Variants in ERC1 observed in about 807,000 individuals in gnomAD.
ERC1 encodes the protein RAB6 interacting protein 2.
ERC1 carries 56 observed loss-of-function variants against 132.0 expected under a neutral mutation model. The ratio of observed to expected loss-of-function variants is 0.42; its 90% CI spans 0.34 to 0.53. The LOEUF (loss-of-function observed/expected upper bound fraction) is 0.53, where lower values mean the gene tolerates loss of function less well. Ranked by LOEUF, ERC1 falls within the 20% of genes least tolerant of loss-of-function variation. The pLI, the probability that ERC1 is intolerant of heterozygous loss-of-function variation, is 0.03. For synonymous variants in ERC1, 478 were observed against 476.1 expected (o/e 1.00, Z -0.05); for missense variants, 1,202 against 1,349.9 (o/e 0.89, Z 1.72).
chr12:1,010,690 A>G (rs1199983045), intron 1 of ERC1, among the ~76,000 whole-genome samples: 1 of 150,742 alleles, frequency 6.6e-6, no homozygotes, highest in East Asian at 2.0e-4. Context: ...TTTTTTTATT[A>G]TTATTAGAAA....
At chr12:1,183,996 C>T (rs990389524) in intron 11 of ERC1, among the ~76,000 whole-genome samples, 1 of 152,026 alleles carries the variant, frequency 6.6e-6, no homozygotes, top group Non-Finnish European at 1.5e-5. Flanking sequence ...ATTAGCCAGG[C>T]TTGGTGGCGC....
At chr12:1,477,518 A>G (rs1018922629) in intron 18 of ERC1, among the ~76,000 whole-genome samples, 1 of 152,156 alleles carries the variant, frequency 6.6e-6, no homozygotes, top group Non-Finnish European at 1.5e-5. Context: ...AGCCAGAAAC[A>G]TGTGGGTGTT....
chr12:1,252,162 G>A (rs980130739), intron 13 of ERC1, among the ~76,000 whole-genome samples: 4 of 151,946 alleles, frequency 2.6e-5, no homozygotes, highest in African/African-American at 9.7e-5. Context: ...ATTCTTTTAG[G>A]TATTTTAACA....
intron 15 of ERC1, among the ~76,000 whole-genome samples, chr12:1,343,425 A>G (rs2084111836): frequency 6.6e-6 from 1 of 152,188 alleles, no homozygotes; most frequent in Non-Finnish European, 1.5e-5. Context: ...TATCCCATAC[A>G]GTCATCATGC....
At chr12:1,365,363 A>G (rs2086562619) in intron 15 of ERC1, among the ~76,000 whole-genome samples, 1 of 152,150 alleles carries the variant, frequency 6.6e-6, no homozygotes, top group African/African-American at 2.4e-5. Context: ...AGTGAAATAC[A>G]GCTTCAGGAT....
chr12:1,028,150 G>A lies in ERC1; in HGVS notation c.247G>A (p.Glu83Lys). 1.2e-6 allele frequency: 2 copies of A among 1,614,196 alleles called. No individual in the cohort carries two copies. ...AAGTGACCATGAAAATGTGGGTTCA[G>A]AAACACCTAAAAGCACCATGACACT... ...YLSDHENVGSETPKSTMTLGR... is the reference protein window; with the variant it reads ...YLSDHENVGSKTPKSTMTLGR... The change falls in exon 2 of 19, where the codon GAA becomes AAA. Residue 83 changes from glutamate to lysine, a missense_variant. Transcript: ENST00000360905.
intron 14 of ERC1, among the ~76,000 whole-genome samples, chr12:1,277,517 T>G (rs2078356436): frequency 6.6e-6 from 1 of 152,238 alleles, no homozygotes. Flanking sequence ...CAGAAATCTC[T>G]TCTTAACATA....
intron 15 of ERC1, among the ~76,000 whole-genome samples, chr12:1,295,600 A>G (rs879798700): frequency 6.6e-6 from 1 of 152,160 alleles, no homozygotes; most frequent in Non-Finnish European, 1.5e-5. Context: ...ATAACACAAA[A>G]GATAGGTTTG....
At chr12:1,068,484 T>TA (rs34202335) in intron 2 of ERC1, among the ~76,000 whole-genome samples, 30,252 of 148,488 alleles carry the variant, frequency 0.2, 966 homozygotes, top group Middle Eastern at 0.26. Flanking sequence ...CTTTAGGAAT[T>TA]AAAAAAAAAA....
chr12:1,072,100 C>CA (rs11438076), intron 2 of ERC1, among the ~76,000 whole-genome samples: 40,998 of 134,950 alleles, frequency 0.3, 6,048 homozygotes, highest in African/African-American at 0.32. Context: ...GACTCTGTCT[C>CA]AAAAAAAAAA....
At chr12:1,070,858 C>T (rs917195033) in intron 2 of ERC1, among the ~76,000 whole-genome samples, 2 of 152,172 alleles carry the variant, frequency 1.3e-5, no homozygotes, top group East Asian at 3.9e-4. Flanking sequence ...CTCCCCAGTT[C>T]GCATCATCCC....
intron 8 of ERC1, among the ~76,000 whole-genome samples, chr12:1,179,523 T>TTTG (rs1954139076): frequency 9.1e-6 from 1 of 110,068 alleles, no homozygotes; most frequent in African/African-American, 4.1e-5. Context: ...TTTTTTTTTT[T>TTTG]TTGAGACGGA....
At position 1,349,680 on chromosome 12, in the gene ERC1, AG is replaced by A. The variant is rs1210810902; in HGVS notation, c.2781-22152del. Among the ~76,000 whole-genome samples the A allele has an allele frequency of 6.2e-3, 929 of 150,866 alleles. 3 individuals are homozygous for A. Among genetic ancestry groups the A allele is most frequent in the African/African-American group, 0.02 (823 of 40,824 alleles). On this transcript the variant is annotated intron_variant, in intron 15 of 18. Transcript: ENST00000360905. ...CCGTCTAAAAAAAAAAAAAAAAAAA[AG>A]TTATTTTTGATACCTTGGAATGTGT...
chr12:1,418,633 T>TC (rs2092270612), intron 17 of ERC1, among the ~76,000 whole-genome samples: 1 of 85,018 alleles, frequency 1.2e-5, no homozygotes, highest in African/African-American at 6.4e-5. Context: ...CTTTCTTTCT[T>TC]TCTTTCTTTC....
chr12:996,249 C>CT (rs35403554), intron 1 of ERC1, among the ~76,000 whole-genome samples: 3,088 of 43,740 alleles, frequency 0.071, 628 homozygotes, highest in African/African-American at 0.085. Flanking sequence ...CCATGCCTGG[C>CT]TTTTTTTTTT....
At chr12:1,431,515 TATC>T (rs1331100378) in intron 17 of ERC1, among the ~76,000 whole-genome samples, 1 of 152,212 alleles carries the variant, frequency 6.6e-6, no homozygotes, top group Non-Finnish European at 1.5e-5. Context: ...ATTTTTAAAT[TATC>T]TTATGGAATC....
intron 2 of ERC1, among the ~76,000 whole-genome samples, chr12:1,038,309 T>TCTTTTATG (rs1433666331): frequency 6.6e-6 from 1 of 152,098 alleles, no homozygotes; most frequent in Non-Finnish European, 1.5e-5. Flanking sequence ...CTCCTTTCCT[T>TCTTTTATG]CTTTTATGAC....
intron 15 of ERC1, among the ~76,000 whole-genome samples, chr12:1,358,480 CAG>C (rs532364249): frequency 1.7e-3 from 256 of 152,230 alleles, no homozygotes; most frequent in African/African-American, 5.6e-3. Context: ...TGTAGGGAAT[CAG>C]AGGTATGTAA....
intron 15 of ERC1, among the ~76,000 whole-genome samples, chr12:1,322,846 A>G (rs986768758): frequency 6.6e-6 from 1 of 152,068 alleles, no homozygotes; most frequent in African/African-American, 2.4e-5. Context: ...AATATCCTTG[A>G]TTTTGCTGGA....
Sources: gnomAD v4.1 joint callset for allele counts (sites outside exome capture counted in the v4.1 genomes callset) on GRCh38, gnomAD v4.1.1 for gene constraint, MANE v1.5 for transcripts, NCBI Gene and HGNC (gene_info 2026-07-23, HGNC 2026-07-21) for gene names.